MDGA2: variants seen among roughly 807,000 people sequenced by gnomAD.
MDGA2 encodes MAM domain containing glycosylphosphatidylinositol anchor 2.
In MDGA2, 40 loss-of-function variants were observed where a neutral mutation model predicts 117.8. The observed-to-expected ratio is 0.34, with a 90% CI of 0.26 to 0.44. MDGA2 has a LOEUF of 0.44. Among genes scored for constraint, MDGA2 ranks in the 20% least tolerant of loss-of-function variants. The pLI is 1.00. For missense variants in MDGA2, 1,123 were observed against 1,250.6 expected, an observed-to-expected ratio of 0.90 and a Z score of 1.54; for synonymous variants, 452 against 439.0, an observed-to-expected ratio of 1.03 and a Z score of -0.37.
At chr14:47,243,451 T>C (rs58429355) in intron 2 of MDGA2, among the ~76,000 whole-genome samples, 1 of 151,584 alleles carries the variant, frequency 6.6e-6, no homozygotes. Context: ...CTCTTTGCAA[T>C]AAATCTTGCT....
intron 2 of MDGA2, among the ~76,000 whole-genome samples, chr14:47,282,072 C>T (rs557887483): frequency 8.1e-5 from 12 of 147,490 alleles, no homozygotes; most frequent in Non-Finnish European, 1.5e-4. Flanking sequence ...AAAAAAGACA[C>T]TTTCTTCAAC....
chr14:47,575,306 C>T (rs1260045207), intron 1 of MDGA2, among the ~76,000 whole-genome samples: 1 of 152,100 alleles, frequency 6.6e-6, no homozygotes, highest in East Asian at 1.9e-4. Context: ...ATATGATTTT[C>T]ATCATTTTAA....
At chr14:47,200,158 A>G (rs1034571953) in intron 3 of MDGA2, among the ~76,000 whole-genome samples, 19 of 152,112 alleles carry the variant, frequency 1.2e-4, no homozygotes, top group African/African-American at 4.3e-4. Flanking sequence ...TATATTCTAT[A>G]TAGTAATAAG....
At chr14:47,638,721 G>A (rs1897367506) in intron 1 of MDGA2, among the ~76,000 whole-genome samples, 1 of 152,108 alleles carries the variant, frequency 6.6e-6, no homozygotes, top group Non-Finnish European at 1.5e-5. Context: ...TATGGCAAGT[G>A]CCTTCTAACA....
intron 1 of MDGA2, among the ~76,000 whole-genome samples, chr14:47,342,715 A>G (rs1179246639): frequency 3.9e-5 from 6 of 152,144 alleles, no homozygotes; most frequent in Non-Finnish European, 7.3e-5. Flanking sequence ...AGGTAGGCCT[A>G]CAGTCTGGAG....
intron 9 of MDGA2, among the ~76,000 whole-genome samples, chr14:46,953,825 C>T (rs986534264): frequency 6.6e-6 from 1 of 151,968 alleles, no homozygotes; most frequent in Non-Finnish European, 1.5e-5. Context: ...ATTTGAAAGA[C>T]ATAGATAATT....
At chr14:47,100,340 T>C (rs1880232150) in intron 5 of MDGA2, among the ~76,000 whole-genome samples, 1 of 152,046 alleles carries the variant, frequency 6.6e-6, no homozygotes, top group Admixed American at 6.6e-5. Flanking sequence ...AAGCTTCTTC[T>C]TCTGCACTTA....
intron 8 of MDGA2, among the ~76,000 whole-genome samples, chr14:46,997,721 G>A (rs1291657482): frequency 6.6e-6 from 1 of 152,240 alleles, no homozygotes; most frequent in Non-Finnish European, 1.5e-5. Flanking sequence ...GTGGCCTCAA[G>A]GGGCAGAGGA....
intron 10 of MDGA2, among the ~76,000 whole-genome samples, chr14:46,915,711 G>A (rs1883871626): frequency 6.6e-6 from 1 of 152,162 alleles, no homozygotes; most frequent in South Asian, 2.1e-4. Context: ...TCCACTCAAG[G>A]TCTGCAGAAG....
intron 8 of MDGA2, among the ~76,000 whole-genome samples, chr14:46,997,921 C>A (rs1887355948): frequency 6.6e-6 from 1 of 152,060 alleles, no homozygotes; most frequent in Non-Finnish European, 1.5e-5. Context: ...ATTTCAAAAT[C>A]ATCAACAATC....
chr14:46,962,397 T>C (rs1885847292), intron 8 of MDGA2, among the ~76,000 whole-genome samples: 1 of 152,112 alleles, frequency 6.6e-6, no homozygotes, highest in Admixed American at 6.5e-5. Flanking sequence ...TCCTTTGAGA[T>C]CCAACTTCTT....
At chr14:47,343,026 A>G in intron 1 of MDGA2, 1 of 1,265,516 alleles carries the variant, frequency 7.9e-7, no homozygotes, top group Non-Finnish European at 1.0e-6. Flanking sequence ...ACAGAGTGGG[A>G]GAAGCAGGCA....
intron 1 of MDGA2, among the ~76,000 whole-genome samples, chr14:47,621,359 A>C (rs1897046717): frequency 6.6e-6 from 1 of 152,114 alleles, no homozygotes; most frequent in East Asian, 1.9e-4. Flanking sequence ...TTCTTAAAAA[A>C]AAATTTTTTT....
At chr14:47,292,466 G>T (rs1888924134) in intron 2 of MDGA2, among the ~76,000 whole-genome samples, 1 of 152,052 alleles carries the variant, frequency 6.6e-6, no homozygotes, top group East Asian at 1.9e-4. Flanking sequence ...TCCATTTATC[G>T]CTTGTCTTTC....
At chr14:47,138,847 G>A (rs1882580640) in intron 4 of MDGA2, among the ~76,000 whole-genome samples, 1 of 152,002 alleles carries the variant, frequency 6.6e-6, no homozygotes, top group Non-Finnish European at 1.5e-5. Context: ...TAAGTGAGTG[G>A]AAGGACGAAA....
At chr14:47,040,341 T>C (rs73241276) in intron 7 of MDGA2, among the ~76,000 whole-genome samples, 20,952 of 151,978 alleles carry the variant, frequency 0.14, 1,601 homozygotes, top group East Asian at 0.32. Context: ...TTATTTTCTT[T>C]ATTTCCCTCT....
intron 9 of MDGA2, among the ~76,000 whole-genome samples, chr14:46,929,617 A>G (rs1387000985): frequency 0.046 from 915 of 20,044 alleles, 53 homozygotes; most frequent in African/African-American, 0.15. Context: ...ATATATATAT[A>G]TATATATATA....
intron 1 of MDGA2, among the ~76,000 whole-genome samples, chr14:47,417,775 C>T (rs1594847044): frequency 6.6e-6 from 1 of 152,242 alleles, no homozygotes; most frequent in East Asian, 1.9e-4. Context: ...ACTGCAGTGG[C>T]ACCATCACTC....
At chr14:47,311,432 C>T (rs1004436835) in intron 1 of MDGA2, among the ~76,000 whole-genome samples, 3 of 152,080 alleles carry the variant, frequency 2.0e-5, no homozygotes, top group Non-Finnish European at 4.4e-5. Flanking sequence ...CTGTTTCTCT[C>T]CATTGAGAAA....
Sources: gnomAD v4.1 joint callset for allele counts (sites outside exome capture counted in the v4.1 genomes callset) on GRCh38, gnomAD v4.1.1 for gene constraint, MANE v1.5 for transcripts, NCBI Gene and HGNC (gene_info 2026-07-23, HGNC 2026-07-21) for gene names.